Variants in SNPH observed in about 807,000 individuals in gnomAD.
SNPH encodes syntaphilin.
A neutral mutation model predicts 36.8 loss-of-function variants in SNPH; 10 were observed. The observed-to-expected ratio is 0.27, with a 90% CI of 0.17 to 0.46. The LOEUF is 0.46. Ranked by LOEUF, SNPH falls within the 20% of genes least tolerant of loss-of-function variation. The pLI is 1.00. For missense variants in SNPH, 622 were observed against 744.0 expected, an observed-to-expected ratio of 0.84 and a Z score of 1.91; for synonymous variants, 281 against 312.2, an observed-to-expected ratio of 0.90 and a Z score of 1.05.
rs1162325274 is a variant in SNPH at position 1,279,618 on chromosome 20, C to CTTTTTTTTTTT, written c.-493+12867_-493+12877dup. On this transcript the variant is annotated intron_variant, in intron 2 of 6. Coordinates refer to ENST00000381867, the MANE Select transcript of SNPH (RefSeq NM_001318234.2). ...CTGGTTTCCTGAGAGACTCCGGCTT[C>CTTTTTTTTTTT]TTTTTTTTTTTTTTTTTTTGAGACA... 2.0e-3 allele frequency among the ~76,000 whole-genome samples: 240 copies of CTTTTTTTTTTT among 123,020 alleles called. 4 individuals are homozygous for CTTTTTTTTTTT. Among genetic ancestry groups the CTTTTTTTTTTT allele is most frequent in the Non-Finnish European group, 3.0e-3 (176 of 58,402 alleles). 80.7% of individuals were successfully genotyped at this position (123,020 alleles called of 152,430 possible). A position where few individuals can be genotyped will look rare whatever the true frequency, so the allele number is the denominator to read the frequency against.
intron 2 of SNPH, among the ~76,000 whole-genome samples, chr20:1,282,086 C>T (rs2088232055): frequency 1.3e-5 from 2 of 152,202 alleles, no homozygotes; most frequent in South Asian, 4.1e-4. Flanking sequence ...TGGCTAAGTG[C>T]TGGTGGTTTG....
In SNPH at chr20:1,296,229, G is replaced by A. The variant is rs2088430364; in HGVS notation, c.-11G>A. 3 of 1,511,504 alleles carry A rather than the reference G, an allele frequency of 2.0e-6. No homozygotes were observed. In the African/African-American group the frequency reaches 4.3e-5, roughly 22 times the overall value. 93.6% of individuals were successfully genotyped at this position (1,511,504 alleles called of 1,614,324 possible). On this transcript the variant is annotated 5_prime_UTR_variant, in exon 4 of 7. Transcript: ENST00000381867. ...CCTGGGGTGTCCTGCCGAAGGGTGAGAAGAGAAGCCATGCCGGGCAGCGGC... is the reference window on the plus strand; with the variant it reads ...CCTGGGGTGTCCTGCCGAAGGGTGAAAAGAGAAGCCATGCCGGGCAGCGGC...
At chr20:1,268,609 T>C (rs2088035805) in intron 2 of SNPH, among the ~76,000 whole-genome samples, 2 of 149,494 alleles carry the variant, frequency 1.3e-5, no homozygotes, top group South Asian at 2.1e-4. Flanking sequence ...AGTTGTCATG[T>C]CCCCCCACCC....
At chr20:1,298,804 T>TTGTGTG (rs3038999) in intron 5 of SNPH, among the ~76,000 whole-genome samples, 7,261 of 141,082 alleles carry the variant, frequency 0.051, 229 homozygotes, top group East Asian at 0.1. Context: ...TTTTTCTAAT[T>TTGTGTG]TGTGTGTGTG....
In SNPH at chr20:1,297,146, C is replaced by T. The variant is rs745602130; in HGVS notation, c.184C>T (p.Arg62Cys). 57 of 1,611,316 alleles carry T rather than the reference C, an allele frequency of 3.5e-5. No homozygotes were observed. Among genetic ancestry groups the T allele is most frequent in the East Asian group, 4.5e-5 (2 of 44,810 alleles). ...SRRTSAGSRR[R>C]TSPPVSVRDA... ...CCTGCCTCTTCTTCCTGCCTCCAGG[C>T]GCACCTCTCCACCTGTGAGCGTGCG... Residue 62 changes from arginine (R) to cysteine (C), a missense_variant and splice_region_variant, in exon 5 of 7, where the codon CGC becomes TGC. Around this residue, in one of 3 missense-constraint regions of SNPH, gnomAD observed 187 missense variants for 209.4 expected, o/e 0.89. Coordinates refer to ENST00000381867, the MANE Select transcript of SNPH (RefSeq NM_001318234.2).
Position 1,304,807 on chromosome 20 carries a change from C to T in SNPH, c.441-71C>T, listed in dbSNP as rs1450152872. On this transcript the variant is annotated intron_variant, in intron 6 of 6. Coordinates refer to ENST00000381867, the MANE Select transcript of SNPH (RefSeq NM_001318234.2). The surrounding 1 kb of genome is among the most constrained non-coding windows in gnomAD (Gnocchi z 4.3). ...TCATCCTTGGCAACAGTGTCCTCTCCCTGCCTCTCCTTGGCGGTGACAGAC... is the reference window on the plus strand; with the variant it reads ...TCATCCTTGGCAACAGTGTCCTCTCTCTGCCTCTCCTTGGCGGTGACAGAC... 5.6e-5 allele frequency: 82 copies of T among 1,470,008 alleles called. No individual in the cohort carries two copies. The highest frequency in any genetic ancestry group is 7.0e-5 in the Non-Finnish European group (75 of 1,067,326). 91.1% of individuals were successfully genotyped at this position (1,470,008 alleles called of 1,614,324 possible).
Position 1,286,765 on chromosome 20 carries a change from G to A in SNPH, c.-492-8186G>A, listed in dbSNP as rs1466208549. Among the ~76,000 whole-genome samples the A allele has an allele frequency of 4.6e-5, 7 of 152,190 alleles. No individual in the cohort carries two copies. In the East Asian group the frequency reaches 5.8e-4, roughly 13 times the overall value. On this transcript the variant is annotated intron_variant, in intron 2 of 6. Coordinates refer to ENST00000381867, the MANE Select transcript of SNPH (RefSeq NM_001318234.2). ...AGAGAATGCAAGTGCAAGAGACAGCGTGAGTGGTTTTATGTGGTTTCTTGT... is the reference window on the plus strand; with the variant it reads ...AGAGAATGCAAGTGCAAGAGACAGCATGAGTGGTTTTATGTGGTTTCTTGT...
chr20:1,286,679 G>A (rs2088287724), intron 2 of SNPH, among the ~76,000 whole-genome samples: 3 of 152,222 alleles, frequency 2.0e-5, no homozygotes, highest in South Asian at 2.1e-4. Flanking sequence ...TGGCAGTTGG[G>A]ACTCGATTGT....
Position 1,304,776 on chromosome 20 carries a change from G to A in SNPH, c.441-102G>A. On this transcript the variant is annotated intron_variant, in intron 6 of 6. Transcript: ENST00000381867. The surrounding 1 kb of genome is among the most constrained non-coding windows in gnomAD (Gnocchi z 4.3). ...TGGGTTCTGAGCCACAGCAGCACAG[G>A]GCCCTTCATCCTTGGCAACAGTGTC... The A allele has an allele frequency of 9.2e-7, 1 of 1,083,296 alleles. No homozygotes were observed. The highest frequency in any genetic ancestry group is 1.4e-6 in the Non-Finnish European group (1 of 733,276). The allele number at this position is 1,083,296 out of a possible 1,614,324, so 67.1% of individuals were successfully genotyped here.
rs759019214 is a variant in SNPH, at chr20:1,307,091, T to G, written c.*1037T>G. ...AACTTCTGCTTTGCACTATGTTCAC[T>G]TTGGGGTTGGTTCTCAGCCATCCAA... On this transcript the variant is annotated 3_prime_UTR_variant, in exon 7 of 7. Coordinates refer to ENST00000381867, the MANE Select transcript of SNPH (RefSeq NM_001318234.2). 1 of 152,720 alleles carries G rather than the reference T, an allele frequency of 6.5e-6. No homozygotes were observed. The highest frequency in any genetic ancestry group is 2.1e-4 in the South Asian group (1 of 4,836). 9.5% of individuals were successfully genotyped at this position (152,720 alleles called of 1,614,324 possible).
chr20:1,279,618 C>CTTTT (rs1162325274), intron 2 of SNPH, among the ~76,000 whole-genome samples: 5 of 123,076 alleles, frequency 4.1e-5, no homozygotes, highest in Non-Finnish European at 6.8e-5. Context: ...ACTCCGGCTT[C>CTTTT]TTTTTTTTTT....
rs748916419 is a variant in SNPH, at chr20:1,297,247, G to A, written c.285G>A (p.Thr95=). 19 of 1,613,284 alleles carry A rather than the reference G, an allele frequency of 1.2e-5. No homozygotes were observed. Among genetic ancestry groups the A allele is most frequent in the East Asian group, 6.7e-5 (3 of 44,874 alleles). ...ACAAGGGCAGTGACAGCAGTCCCAC[G>A]CCAAGGTAATTGGCCCCTCCTCTCT... ...GSYKGSDSSP[T]PRRSMKYTLC... is the part of the protein sequence containing the mutation. The change falls in exon 5 of 7, where the codon ACG becomes ACA. Residue 95 remains threonine, a synonymous_variant. Transcript: ENST00000381867.
intron 2 of SNPH, among the ~76,000 whole-genome samples, chr20:1,281,232 T>C (rs2088215907): frequency 6.6e-6 from 1 of 152,158 alleles, no homozygotes; most frequent in Non-Finnish European, 1.5e-5. Context: ...TTTACTTCTG[T>C]CACCTCCTCA....
intron 2 of SNPH, among the ~76,000 whole-genome samples, chr20:1,270,639 C>T (rs1405945195): frequency 6.6e-6 from 1 of 152,140 alleles, no homozygotes; most frequent in African/African-American, 2.4e-5. Flanking sequence ...ATCTGTTTGT[C>T]CCAGGTAGAC....
intron 6 of SNPH, among the ~76,000 whole-genome samples, chr20:1,301,527 G>T (rs2088510517): frequency 6.6e-6 from 1 of 151,296 alleles, no homozygotes; most frequent in African/African-American, 2.4e-5. Context: ...TAATACAGCA[G>T]CTTTATTGCA....
Position 1,294,106 on chromosome 20 carries a change from G to C in SNPH, c.-492-845G>C, listed in dbSNP as rs2088398062. 6.6e-6 allele frequency among the ~76,000 whole-genome samples: 1 copy of C among 152,236 alleles called. No individual in the cohort carries two copies. Among genetic ancestry groups the C allele is most frequent in the African/African-American group, 2.4e-5 (1 of 41,456 alleles). ...GCCAGAAGGGCAGGGATGATGGTGG[G>C]AAAGTTGTTGGTGAAGCCAGGCCGA... On this transcript the variant is annotated intron_variant, in intron 2 of 6. Transcript: ENST00000381867. The surrounding 1 kb of genome is among the most constrained non-coding windows in gnomAD (Gnocchi z 4.4).
Position 1,305,977 on chromosome 20 carries a change from C to A in SNPH, c.1540C>A (p.His514Asn). The A allele has an allele frequency of 6.4e-7, 1 of 1,552,364 alleles. No homozygotes were observed. The highest frequency in any genetic ancestry group is 1.9e-5 in the Admixed American group (1 of 51,414). The change falls in exon 7 of 7, where the codon CAC becomes AAC. Residue 514 changes from histidine to asparagine, a missense_variant. Transcript: ENST00000381867. ...GCGGGGCTGCTGCACTGTGGCCTTG[C>A]ACTCCATCCGCAGGATCAGCTGCCG... Reference protein sequence around the residue: ...LLRGCCTVALHSIRRISCRSL... With the variant: ...LLRGCCTVALNSIRRISCRSL...
Position 1,266,493 on chromosome 20 carries a change from C to A in SNPH, c.-600+96C>A. On this transcript the variant is annotated intron_variant, in intron 1 of 6. Coordinates refer to ENST00000381867, the MANE Select transcript of SNPH (RefSeq NM_001318234.2). This position sits in a 1 kb window ranked among gnomAD's most constrained non-coding sequence, Gnocchi z 6.0. ...GTGCCAGGGGGTGGGGTGGGGGCCG[C>A]GGGCCGCGAGGAGGAGGGGACGGAG... The A allele has an allele frequency of 1.8e-6, 2 of 1,109,484 alleles. No individual in the cohort carries two copies. Among genetic ancestry groups the A allele is most frequent in the Non-Finnish European group, 2.4e-6 (2 of 837,708 alleles). The allele number at this position is 1,109,484 out of a possible 1,614,324, so 68.7% of individuals were successfully genotyped here. A position where few individuals can be genotyped will look rare whatever the true frequency, so the allele number is the denominator to read the frequency against.
intron 2 of SNPH, among the ~76,000 whole-genome samples, chr20:1,281,470 G>C (rs1216676922): frequency 1.3e-5 from 2 of 152,112 alleles, no homozygotes; most frequent in Non-Finnish European, 2.9e-5. Context: ...AGCTCAAAAG[G>C]CTTTTTTCTG....
Sources: allele counts gnomAD v4.1 joint callset (sites outside exome capture counted in the v4.1 genomes callset), GRCh38; gene constraint gnomAD v4.1.1; regional missense constraint gnomAD v4.1.1; non-coding constraint Gnocchi (gnomAD v3.1); transcripts MANE v1.5; gene names NCBI Gene and HGNC (gene_info 2026-07-23, HGNC 2026-07-21).